RFC1: variants seen among roughly 807,000 people sequenced by gnomAD.
RFC1 encodes replication factor C subunit 1, also known as A1 140 kDa subunit.
Under a neutral mutation model 137.4 loss-of-function variants are expected in RFC1, and 37 were observed. The ratio of observed to expected loss-of-function variants is 0.27; its 90% CI spans 0.21 to 0.35. The LOEUF (loss-of-function observed/expected upper bound fraction) is 0.35, where lower values mean the gene tolerates loss of function less well. Ranked by LOEUF, RFC1 falls within the 10% of genes least tolerant of loss-of-function variation. RFC1 has a pLI of 1.00. For synonymous variants in RFC1, 429 were observed against 455.7 expected, an observed-to-expected ratio of 0.94 and a Z score of 0.75; for missense variants, 1,205 against 1,358.5, an observed-to-expected ratio of 0.89 and a Z score of 1.78.
At chr4:39,360,688 T>C (rs965180465) in intron 1 of RFC1, among the ~76,000 whole-genome samples, 2 of 151,932 alleles carry the variant, frequency 1.3e-5, no homozygotes, top group Non-Finnish European at 2.9e-5. Flanking sequence ...TGAGCTGAGA[T>C]TGTACCACTG....
chr4:39,366,219 G>T lies in RFC1; in HGVS notation c.3+20C>A. The T allele has an allele frequency of 1.3e-6, 2 of 1,553,692 alleles. No homozygotes were observed. Among genetic ancestry groups the T allele is most frequent in the Non-Finnish European group, 1.7e-6 (2 of 1,148,488 alleles). On this transcript the variant is annotated intron_variant, in intron 1 of 24. Transcript: ENST00000349703. The stretch of plus-strand genomic sequence containing the variant: ...AGCCCCCCCAGACCCCGAGCCGCAC[G>T]GCCTCCCCCAGCGGCTCACCATCGC...
chr4:39,288,863 C>G lies in RFC1; in HGVS notation c.3361-19G>C. The G allele has an allele frequency of 6.8e-7, 1 of 1,472,320 alleles. No individual in the cohort carries two copies. Among genetic ancestry groups the G allele is most frequent in the East Asian group, 2.3e-5 (1 of 44,172 alleles). The allele number at this position is 1,472,320 out of a possible 1,614,324, so 91.2% of individuals were successfully genotyped here. A position where few individuals can be genotyped will look rare whatever the true frequency, so the allele number is the denominator to read the frequency against. On this transcript the variant is annotated intron_variant, in intron 24 of 24. Coordinates refer to ENST00000349703, the MANE Select transcript of RFC1 (RefSeq NM_002913.5). ...TCTTTTTCTGTTAGGGGGAAGATAA[C>G]AAAATAGTTAATAGCTGTGTTTATG... is the stretch of plus-strand genomic sequence containing the variant.
At position 39,321,343 on chromosome 4, in the gene RFC1, A is replaced by C. The variant is rs1008965140; in HGVS notation, c.752T>G (p.Phe251Cys). The change falls in exon 8 of 25, where the codon TTT (phenylalanine) becomes TGT (cysteine). Residue 251 changes from phenylalanine (F) to cysteine (C), a missense_variant. Around this residue, in one of 3 missense-constraint regions of RFC1, gnomAD observed 962 missense variants for 1,035.3 expected, o/e 0.93. Transcript: ENST00000349703. ...ACTTAAATTGGCTTGGACAGATGAA[A>C]ACGTTTCTCCCGCTTCTGTGTCCTT... ...ARKDTEAGET[F>C]SSVQANLSKA... The C allele has an allele frequency of 6.2e-7, 1 of 1,613,758 alleles. No individual in the cohort carries two copies. The highest frequency in any genetic ancestry group is 8.5e-7 in the Non-Finnish European group (1 of 1,179,878).
rs750328833 is a variant in RFC1, at chr4:39,302,795, G to A, written c.2282C>T (p.Ser761Phe). 21 of 1,606,018 alleles carry A rather than the reference G, an allele frequency of 1.3e-5. No homozygotes were observed. The highest frequency in any genetic ancestry group is 1.0e-4 in the Admixed American group (6 of 58,356). Residue 761 changes from serine (S) to phenylalanine (F), a missense_variant, in exon 17 of 25, where the codon TCT (serine) becomes TTT (phenylalanine). By Grantham distance (155) the Ser-to-Phe change is radical (BLOSUM62 -2). This residue lies in a region of RFC1 where 962 missense variants were observed against 1,035.3 expected (regional missense o/e 0.93). Coordinates refer to ENST00000349703, the MANE Select transcript of RFC1 (RefSeq NM_002913.5). The part of the protein sequence containing the change: ...CNDRNHPKIR[S>F]LVHYCFDLRF... ...AAGATCAAAACAATAATGAACCAGA[G>A]AGCGAATCTTGGGATGATTTCTATC...
At chr4:39,290,068 A>T (rs781278424) in intron 23 of RFC1, 29 bp from the exon 24 acceptor site, 1 of 1,529,114 alleles carries the variant, frequency 6.5e-7, no homozygotes, top group South Asian at 1.2e-5. Flanking sequence ...TGGAGTTTTT[A>T]AAAATCTAAG....
At chr4:39,297,430 A>G (rs1456257034) in intron 21 of RFC1, among the ~76,000 whole-genome samples, 14 of 137,270 alleles carry the variant, frequency 1.0e-4, no homozygotes, top group Non-Finnish European at 6.2e-5. Context: ...TGATTTTTGT[A>G]TAAGGTGTAA....
intron 7 of RFC1, chr4:39,321,802 A>AC: frequency 6.4e-6 from 1 of 155,476 alleles, no homozygotes; most frequent in South Asian, 2.0e-4. Flanking sequence ...CATTCTTTCC[A>AC]CTGCTCCTTC....
At chr4:39,348,414 C>G (rs183445432) in intron 2 of RFC1, among the ~76,000 whole-genome samples, 41 of 69,908 alleles carry the variant, frequency 5.9e-4, no homozygotes, top group Admixed American at 4.7e-3. Flanking sequence ...CAGAGCAAGA[C>G]TCTGTTTCAA....
chr4:39,305,205 G>C (rs1738575837), intron 14 of RFC1, among the ~76,000 whole-genome samples: 1 of 152,034 alleles, frequency 6.6e-6, no homozygotes, highest in Non-Finnish European at 1.5e-5. Flanking sequence ...TAATCTGGAA[G>C]AGTATATTCA....
At chr4:39,296,593 G>T (rs944301785) in intron 21 of RFC1, among the ~76,000 whole-genome samples, 4 of 151,158 alleles carry the variant, frequency 2.6e-5, no homozygotes, top group Admixed American at 6.6e-5. Flanking sequence ...CATCATTTTT[G>T]ATGGCTGCAT....
chr4:39,327,470 A>G (rs936473615), intron 5 of RFC1, 54 bp downstream of exon 5: 1 of 1,106,622 alleles, frequency 9.0e-7, no homozygotes, highest in Non-Finnish European at 1.3e-6. Context: ...TCCTGTTAAT[A>G]TTAGTGAATG....
chr4:39,315,894 T>A (rs1739216501), intron 10 of RFC1, among the ~76,000 whole-genome samples: 1 of 152,180 alleles, frequency 6.6e-6, no homozygotes, highest in South Asian at 2.1e-4. Context: ...GCCAGAGCGA[T>A]CTTTCAGAAA....
chr4:39,302,313 C>CT lies in RFC1; in HGVS notation c.2499dup (p.Ala834SerfsTer2), dbSNP rs1335771520. On this transcript the variant is annotated frameshift_variant, in exon 19 of 25. Transcript: ENST00000349703. LOFTEE classifies it high-confidence loss of function. ...TCCTTTTTGGCTCTGTGAGAATCAG[C>CT]TTTGGCCTGGTCATAGGTTAATGCT... 1 of 1,613,188 alleles carries CT rather than the reference C, an allele frequency of 6.2e-7. No homozygotes were observed. Among genetic ancestry groups the CT allele is most frequent in the Non-Finnish European group, 8.5e-7 (1 of 1,179,186 alleles).
At chr4:39,325,656 T>C (rs1739726636) in intron 6 of RFC1, among the ~76,000 whole-genome samples, 1 of 152,164 alleles carries the variant, frequency 6.6e-6, no homozygotes. Flanking sequence ...GTGCTGGGAT[T>C]ACAGGCATGA....
intron 3 of RFC1, among the ~76,000 whole-genome samples, chr4:39,344,091 G>A (rs1013223081): frequency 2.7e-5 from 4 of 150,710 alleles, no homozygotes; most frequent in Non-Finnish European, 4.4e-5. Context: ...TCCAGCCTGG[G>A]TGACAGAGCA....
At chr4:39,358,247 C>A (rs570033610) in intron 1 of RFC1, among the ~76,000 whole-genome samples, 2 of 152,148 alleles carry the variant, frequency 1.3e-5, no homozygotes, top group Non-Finnish European at 2.9e-5. Flanking sequence ...TGCACTCCAG[C>A]CTGGCCAAGA....
chr4:39,336,003 A>G (rs944607824), intron 4 of RFC1, among the ~76,000 whole-genome samples: 7 of 152,290 alleles, frequency 4.6e-5, no homozygotes, highest in African/African-American at 1.2e-4. Flanking sequence ...ACCTGTCACC[A>G]GAACAGTCTG....
intron 13 of RFC1, 36 bp from the exon 14 acceptor site, chr4:39,306,737 A>T: frequency 8.5e-7 from 1 of 1,179,276 alleles, no homozygotes; most frequent in Non-Finnish European, 1.3e-6. Flanking sequence ...GTGTCAACCT[A>T]TATCACCTAA....
intron 1 of RFC1, among the ~76,000 whole-genome samples, chr4:39,364,080 TAAAAAAAA>T (rs34471101): frequency 8.1e-6 from 1 of 122,926 alleles, no homozygotes; most frequent in Admixed American, 8.8e-5. Context: ...ACCTTGCCTT[TAAAAAAAA>T]AAAAAAAAAA....
Sources: allele counts gnomAD v4.1 joint callset (sites outside exome capture counted in the v4.1 genomes callset), GRCh38; gene constraint gnomAD v4.1.1; regional missense constraint gnomAD v4.1.1; transcripts MANE v1.5; gene names NCBI Gene and HGNC (gene_info 2026-07-23, HGNC 2026-07-21).